The following FRYL variants were observed in gnomAD, a reference collection of about 807,000 sequenced individuals.
FRYL encodes the protein FRY like transcription coactivator, also known as protein furry homolog-like.
In FRYL, 150 loss-of-function variants were observed where a neutral mutation model predicts 351.2. That is an observed-to-expected ratio of 0.43 (90% CI 0.37 to 0.49). FRYL has a LOEUF of 0.49. Among genes scored for constraint, FRYL ranks in the 20% least tolerant of loss-of-function variants. The pLI, the probability that FRYL is intolerant of heterozygous loss-of-function variation, is 0.00. For missense variants in FRYL, 3,036 were observed against 3,619.3 expected (o/e 0.84, Z 4.13); for synonymous variants, 1,153 against 1,257.1 (o/e 0.92, Z 1.75).
At chr4:48,570,676 CA>C in intron 27 of FRYL, 150 bp downstream of exon 27, 1 of 556,532 alleles carries the variant, frequency 1.8e-6, no homozygotes, top group Non-Finnish European at 3.2e-6. Flanking sequence ...GTATCGAATG[CA>C]TATTTATTTG....
chr4:48,679,986 A>G (rs965125180), intron 3 of FRYL, among the ~76,000 whole-genome samples: 1 of 152,094 alleles, frequency 6.6e-6, no homozygotes, highest in Non-Finnish European at 1.5e-5. Context: ...CATTATATTC[A>G]CACAACAAAG....
At chr4:48,743,350 G>A (rs1222676250) in intron 1 of FRYL, among the ~76,000 whole-genome samples, 1 of 152,076 alleles carries the variant, frequency 6.6e-6, no homozygotes, top group Non-Finnish European at 1.5e-5. Context: ...AAGAGGCTTA[G>A]AGATGACTTA....
chr4:48,534,187 C>T (rs549664077), intron 49 of FRYL, among the ~76,000 whole-genome samples: 1 of 152,328 alleles, frequency 6.6e-6, no homozygotes, highest in East Asian at 1.9e-4. Context: ...GACTGCGCCA[C>T]TGCACTCCAG....
chr4:48,616,467 A>G (rs1280243702), intron 7 of FRYL, among the ~76,000 whole-genome samples: 2 of 152,204 alleles, frequency 1.3e-5, no homozygotes, highest in African/African-American at 4.8e-5. Flanking sequence ...TACAAAAATG[A>G]TATCACACAT....
chr4:48,537,085 AAAATAT>A (rs757571325), intron 47 of FRYL, among the ~76,000 whole-genome samples: 19 of 152,344 alleles, frequency 1.2e-4, no homozygotes, highest in Admixed American at 3.3e-4. Context: ...TTTGCATTTC[AAAATAT>A]AATAATTTAA....
At chr4:48,696,372 T>C (rs1395416888) in intron 2 of FRYL, among the ~76,000 whole-genome samples, 2 of 152,188 alleles carry the variant, frequency 1.3e-5, no homozygotes, top group African/African-American at 4.8e-5. Context: ...TTCACGTCTT[T>C]TGTGGGGACA....
intron 36 of FRYL, 25 bp from the exon 37 acceptor site, chr4:48,551,603 TC>T: frequency 6.9e-7 from 1 of 1,443,964 alleles, no homozygotes; most frequent in Non-Finnish European, 9.7e-7. Flanking sequence ...AAAGCAGTAC[TC>T]GTGAATCTAC....
intron 1 of FRYL, among the ~76,000 whole-genome samples, chr4:48,751,881 T>TA (rs1773282413): frequency 6.6e-6 from 1 of 151,832 alleles, no homozygotes; most frequent in African/African-American, 2.4e-5. Context: ...AGCACCTGAT[T>TA]AGGAGCCCCT....
intron 59 of FRYL, among the ~76,000 whole-genome samples, chr4:48,506,940 T>C (rs1304109061): frequency 6.6e-6 from 1 of 152,102 alleles, no homozygotes; most frequent in Non-Finnish European, 1.5e-5. Flanking sequence ...GAGATACAGC[T>C]GATGGCAGCC....
chr4:48,533,376 G>C (rs138333402), intron 49 of FRYL, among the ~76,000 whole-genome samples: 1 of 151,932 alleles, frequency 6.6e-6, no homozygotes, highest in Non-Finnish European at 1.5e-5. Flanking sequence ...AAGATAAATA[G>C]GGCCACCAGA....
intron 55 of FRYL, among the ~76,000 whole-genome samples, chr4:48,519,876 C>CA (rs1207769070): frequency 6.6e-6 from 1 of 151,854 alleles, no homozygotes; most frequent in Non-Finnish European, 1.5e-5. Flanking sequence ...TGGGACTACA[C>CA]GTGTGCACCA....
intron 33 of FRYL, among the ~76,000 whole-genome samples, chr4:48,558,368 T>C (rs558481407): frequency 6.6e-6 from 1 of 152,306 alleles, no homozygotes. Context: ...TCCACATATA[T>C]GGAGTACCTA....
rs919986629 is a variant in FRYL, at chr4:48,656,519, AATGTATACAT to A, written c.-80-22039_-80-22030del. The stretch of plus-strand genomic sequence containing the variant: ...ATGCATTATATATAATGTATATAGT[AATGTATACAT>A]ATATGCATTATATATAATGTATATA... On this transcript the variant is annotated intron_variant, in intron 3 of 63. Coordinates refer to ENST00000358350, the MANE Select transcript of FRYL (RefSeq NM_015030.2). Among the ~76,000 whole-genome samples, 9 of 125,118 alleles carry A rather than the reference AATGTATACAT, an allele frequency of 7.2e-5. 1 individual carries two copies. The highest frequency in any genetic ancestry group is 1.8e-4 in the Admixed American group (2 of 10,954). The allele number at this position is 125,118 out of a possible 152,430, so 82.1% of individuals were successfully genotyped here. A position where few individuals can be genotyped will look rare whatever the true frequency, so the allele number is the denominator to read the frequency against.
intron 53 of FRYL, among the ~76,000 whole-genome samples, chr4:48,526,387 T>A (rs537805154): frequency 6.6e-6 from 1 of 152,314 alleles, no homozygotes; most frequent in East Asian, 1.9e-4. Flanking sequence ...GGATCTCTAA[T>A]AGCCTAAGAC....
chr4:48,609,174 G>T, intron 8 of FRYL, 107 bp from the exon 9 acceptor site: 7 of 672,428 alleles, frequency 1.0e-5, no homozygotes, highest in South Asian at 3.8e-5. Flanking sequence ...AATTTTCTCT[G>T]AATATTCATT....
At chr4:48,776,890 C>T (rs1776079800) in intron 1 of FRYL, among the ~76,000 whole-genome samples, 1 of 152,178 alleles carries the variant, frequency 6.6e-6, no homozygotes, top group Admixed American at 6.5e-5. Context: ...AACTTGTCCA[C>T]TTCAATCATT....
rs1457213970 is a variant in FRYL, at chr4:48,754,687, A to T, written c.-384+25391T>A. Among the ~76,000 whole-genome samples the T allele has an allele frequency of 2.5e-5, 3 of 120,012 alleles. No homozygotes were observed. In the South Asian group the frequency reaches 7.4e-4, roughly 30 times the overall value. The allele number at this position is 120,012 out of a possible 152,430, so 78.7% of individuals were successfully genotyped here. On this transcript the variant is annotated intron_variant, in intron 1 of 63. Coordinates refer to ENST00000358350, the MANE Select transcript of FRYL (RefSeq NM_015030.2). ...TTTGGGGTTTTTTTTTTTTTTTTTA[A>T]ATGAGAGTCTCACTCTGTTGCCCAG...
chr4:48,689,028 A>C (rs1289616118), intron 2 of FRYL, among the ~76,000 whole-genome samples: 1 of 152,162 alleles, frequency 6.6e-6, no homozygotes, highest in Non-Finnish European at 1.5e-5. Context: ...TGACTAATAT[A>C]ATTACAGATT....
At chr4:48,574,851 G>GA (rs1739245467) in intron 25 of FRYL, among the ~76,000 whole-genome samples, 5 of 152,030 alleles carry the variant, frequency 3.3e-5, no homozygotes, top group African/African-American at 1.2e-4. Context: ...TATTTATATG[G>GA]CATTTCATTA....
Sources: allele counts gnomAD v4.1 joint callset (sites outside exome capture counted in the v4.1 genomes callset), GRCh38; gene constraint gnomAD v4.1.1; transcripts MANE v1.5; gene names NCBI Gene and HGNC (gene_info 2026-07-23, HGNC 2026-07-21).